ZBTB16: variants seen among roughly 807,000 people sequenced by gnomAD.
The protein encoded by ZBTB16 is zinc finger and BTB domain containing 16.
Under a neutral mutation model 56.8 loss-of-function variants are expected in ZBTB16, and 8 were observed. The observed-to-expected ratio is 0.14, with a 90% CI of 0.08 to 0.25. ZBTB16 has a LOEUF of 0.25. Among genes scored for constraint, ZBTB16 ranks in the 10% least tolerant of loss-of-function variants. ZBTB16 has a pLI of 1.00. For synonymous variants in ZBTB16, 363 were observed against 368.5 expected (o/e 0.98, Z 0.17); for missense variants, 625 against 903.0 (o/e 0.69, Z 3.95).
In ZBTB16 at chr11:114,256,022, G is replaced by GT. The variant is rs61107073; in HGVS notation, c.*5479dup. 0.28 allele frequency among the ~76,000 whole-genome samples: 39,976 copies of GT among 142,744 alleles called. 5,500 individuals carry two copies. The highest frequency in any genetic ancestry group is 0.43 in the East Asian group (2,089 of 4,902). 93.6% of individuals were successfully genotyped at this position (142,744 alleles called of 152,430 possible). A position where few individuals can be genotyped will look rare whatever the true frequency, so the allele number is the denominator to read the frequency against. On this transcript the variant is annotated 3_prime_UTR_variant, in exon 7 of 7. Coordinates refer to ENST00000335953, the MANE Select transcript of ZBTB16 (RefSeq NM_006006.6). ...TTATTGAAGTACTTGGTTTTGTTTT[G>GT]TTTTTTTTTTTTGTTTTTTTTGCCT...
In ZBTB16 at chr11:114,081,252, C is replaced by T. The variant is rs940687252; in HGVS notation, c.1268+16684C>T. Among the ~76,000 whole-genome samples, 26 of 152,150 alleles carry T rather than the reference C, an allele frequency of 1.7e-4. 1 individual carries two copies. The highest frequency in any genetic ancestry group is 1.4e-3 in the Admixed American group (21 of 15,278). ...ATGGTGACTTGCCTCCTGGGACACT[C>T]ATTAACCTCTCTGCTGCTGAGCCTG... is the stretch of plus-strand genomic sequence containing the variant. On this transcript the variant is annotated intron_variant, in intron 2 of 6. Transcript: ENST00000335953.
rs147468394 is a variant in ZBTB16, at chr11:114,137,618, C to T, written c.1269-18719C>T. Among the ~76,000 whole-genome samples, 1,124 of 152,170 alleles carry T rather than the reference C, an allele frequency of 7.4e-3. 10 individuals carry two copies. The highest frequency in any genetic ancestry group is 0.02 in the African/African-American group (837 of 41,524). ...TGGAGAGAGGCCCGGAGGCTTCCAGCGAGACAATTAGAGTGTGAATTAGAT... is the reference window on the plus strand; with the variant it reads ...TGGAGAGAGGCCCGGAGGCTTCCAGTGAGACAATTAGAGTGTGAATTAGAT... On this transcript the variant is annotated intron_variant, in intron 2 of 6. Coordinates refer to ENST00000335953, the MANE Select transcript of ZBTB16 (RefSeq NM_006006.6).
intron 3 of ZBTB16, among the ~76,000 whole-genome samples, chr11:114,159,254 G>T (rs898738987): frequency 6.6e-5 from 10 of 152,190 alleles, no homozygotes; most frequent in African/African-American, 2.2e-4. Context: ...TCATATGGCT[G>T]CTCCAGAGGC....
intron 2 of ZBTB16, among the ~76,000 whole-genome samples, chr11:114,137,186 T>C (rs2519190): frequency 0.06 from 9,172 of 152,246 alleles, 351 homozygotes; most frequent in South Asian, 0.11. Flanking sequence ...TTGGAGTACA[T>C]TGTTCAGGAG....
chr11:114,226,138 T>C (rs1337253867), intron 4 of ZBTB16, among the ~76,000 whole-genome samples: 3 of 152,122 alleles, frequency 2.0e-5, no homozygotes, highest in African/African-American at 4.8e-5. Flanking sequence ...TTGATTCCTA[T>C]ACAGAATTGG....
intron 2 of ZBTB16, among the ~76,000 whole-genome samples, chr11:114,116,330 G>GGT (rs1242186566): frequency 6.6e-6 from 1 of 152,118 alleles, no homozygotes; most frequent in African/African-American, 2.4e-5. Context: ...CTGGACCCCA[G>GGT]GTGTGTGTGT....
At chr11:114,242,120 C>T (rs778480245) in intron 4 of ZBTB16, 47 bp from the exon 5 acceptor site, 2 of 1,610,208 alleles carry the variant, frequency 1.2e-6, no homozygotes, top group Non-Finnish European at 1.7e-6. Flanking sequence ...AAGAATGCAC[C>T]TTGTATTCCC....
At chr11:114,243,515 A>C (rs1223753872) in intron 5 of ZBTB16, among the ~76,000 whole-genome samples, 1 of 152,238 alleles carries the variant, frequency 6.6e-6, no homozygotes, top group Non-Finnish European at 1.5e-5. Context: ...TCAGGGGAGC[A>C]CATTGTCTTA....
chr11:114,189,758 C>T (rs1943447716), intron 4 of ZBTB16: 1 of 147,206 alleles, frequency 6.8e-6, no homozygotes, highest in Admixed American at 6.7e-5. Context: ...GAGTGAGACC[C>T]CGTCTCAAAA....
chr11:114,237,697 A>C (rs1944620126), intron 4 of ZBTB16, among the ~76,000 whole-genome samples: 1 of 144,884 alleles, frequency 6.9e-6, no homozygotes, highest in Non-Finnish European at 1.6e-5. Flanking sequence ...GACTCATCAT[A>C]CATGCGAACA....
At chr11:114,242,498 A>T (rs1269350448) in intron 5 of ZBTB16, among the ~76,000 whole-genome samples, 161 bp downstream of exon 5, 1 of 152,166 alleles carries the variant, frequency 6.6e-6, no homozygotes, top group Non-Finnish European at 1.5e-5. Flanking sequence ...GTAAATGTGG[A>T]CAGTTCTCCC....
At chr11:114,125,560 CTT>C (rs757439548) in intron 2 of ZBTB16, among the ~76,000 whole-genome samples, 1 of 145,802 alleles carries the variant, frequency 6.9e-6, no homozygotes, top group Admixed American at 6.8e-5. Flanking sequence ...CCTTGTAGGA[CTT>C]TTTTTTTTTT....
At chr11:114,114,103 AT>A (rs1351466160) in intron 2 of ZBTB16, among the ~76,000 whole-genome samples, 1 of 152,186 alleles carries the variant, frequency 6.6e-6, no homozygotes, top group Admixed American at 6.5e-5. Flanking sequence ...TCCATGATTT[AT>A]TTTCGGGAAA....
chr11:114,236,245 G>A (rs557671635), intron 4 of ZBTB16, among the ~76,000 whole-genome samples: 13 of 152,148 alleles, frequency 8.5e-5, no homozygotes, highest in Non-Finnish European at 1.6e-4. Context: ...TTTGTCAGTT[G>A]CATCATAACA....
intron 4 of ZBTB16, among the ~76,000 whole-genome samples, chr11:114,224,021 C>T (rs1422090341): frequency 3.9e-5 from 6 of 152,070 alleles, no homozygotes; most frequent in African/African-American, 1.2e-4. Flanking sequence ...CCCTTGAAAA[C>T]CATTTTAAGT....
intron 2 of ZBTB16, among the ~76,000 whole-genome samples, chr11:114,144,494 A>G (rs1384911620): frequency 6.6e-6 from 1 of 152,208 alleles, no homozygotes; most frequent in Non-Finnish European, 1.5e-5. Flanking sequence ...TCTGTGTAGA[A>G]AGGAATACGG....
In ZBTB16 at chr11:114,255,168, A is replaced by C. The variant is rs1944979631; in HGVS notation, c.*4613A>C. Among the ~76,000 whole-genome samples, 1 of 152,212 alleles carries C rather than the reference A, an allele frequency of 6.6e-6. No homozygotes were observed. Among genetic ancestry groups the C allele is most frequent in the Non-Finnish European group, 1.5e-5 (1 of 68,030 alleles). On this transcript the variant is annotated 3_prime_UTR_variant, in exon 7 of 7. Coordinates refer to ENST00000335953, the MANE Select transcript of ZBTB16 (RefSeq NM_006006.6). ...AGGGCCCTGCTGCCCTGCTGGACCA[A>C]GCAAAACTAAGCCTTTTGGTTTGGG...
At position 114,187,096 on chromosome 11, in the gene ZBTB16, C is replaced by T. The variant is rs776140047; in HGVS notation, c.1453+58C>T. On this transcript the variant is annotated intron_variant, in intron 4 of 6. Coordinates refer to ENST00000335953, the MANE Select transcript of ZBTB16 (RefSeq NM_006006.6). ...TTCCACAGTGTTGGTAGCACATGGA[C>T]ATGAACTGTCTGGGTGGCAACCTCT... 1.1e-5 allele frequency: 17 copies of T among 1,549,084 alleles called. No homozygotes were observed. In the African/African-American group the frequency reaches 2.3e-4, roughly 21 times the overall value.
chr11:114,125,438 A>T (rs967888448), intron 2 of ZBTB16, among the ~76,000 whole-genome samples: 2 of 152,160 alleles, frequency 1.3e-5, no homozygotes, highest in Admixed American at 6.5e-5. Context: ...TAGAGGTGAG[A>T]AAGCTGTGGC....
Sources: gnomAD v4.1 joint callset for allele counts (sites outside exome capture counted in the v4.1 genomes callset) on GRCh38, gnomAD v4.1.1 for gene constraint, MANE v1.5 for transcripts, NCBI Gene and HGNC (gene_info 2026-07-23, HGNC 2026-07-21) for gene names.